RXRA: variants seen among roughly 807,000 people sequenced by gnomAD.
RXRA encodes the protein retinoic acid receptor RXR-alpha.
A neutral mutation model predicts 44.5 loss-of-function variants in RXRA; 5 were observed. The observed-to-expected ratio is 0.11, with a 90% CI of 0.06 to 0.24. The LOEUF (loss-of-function observed/expected upper bound fraction) is 0.24. Among genes scored for constraint, RXRA ranks in the 10% least tolerant of loss-of-function variants. RXRA has a pLI of 1.00. For synonymous variants in RXRA, 291 were observed against 271.4 expected, an observed-to-expected ratio of 1.07 and a Z score of -0.71; for missense variants, 412 against 646.5, an observed-to-expected ratio of 0.64 and a Z score of 3.93.
chr9:134,401,617 C>G lies in RXRA; in HGVS notation c.29-15C>G, dbSNP rs1212851128. 3.1e-6 allele frequency: 5 copies of G among 1,612,642 alleles called. No homozygotes were observed. The highest frequency in any genetic ancestry group is 3.4e-6 in the Non-Finnish European group (4 of 1,179,884). ...ACCTGCACTGACCACTCTCCTGCGG[C>G]TTCTTGTCTTGCAGATTTCTCCACC... On this transcript the variant is annotated splice_polypyrimidine_tract_variant and intron_variant, in intron 1 of 9. Transcript: ENST00000481739.
intron 1 of RXRA, among the ~76,000 whole-genome samples, chr9:134,389,990 C>T (rs574171019): frequency 6.6e-6 from 1 of 152,290 alleles, no homozygotes; most frequent in African/African-American, 2.4e-5. Flanking sequence ...GCCACAGTAC[C>T]CTGATATGTG....
At chr9:134,371,650 G>C (rs1588270215) in intron 1 of RXRA, among the ~76,000 whole-genome samples, 1 of 152,250 alleles carries the variant, frequency 6.6e-6, no homozygotes, top group South Asian at 2.1e-4. Flanking sequence ...GGTGCCTCTG[G>C]TTCACTGGGC....
chr9:134,352,402 A>G (rs1421301619), intron 1 of RXRA, among the ~76,000 whole-genome samples: 3 of 152,132 alleles, frequency 2.0e-5, no homozygotes, highest in South Asian at 2.1e-4. Flanking sequence ...AGGGGCCACA[A>G]TCCTTCCCTG....
In RXRA at chr9:134,407,344, G is replaced by A. The variant is rs1831068281; in HGVS notation, c.280-805G>A. On this transcript the variant is annotated intron_variant, in intron 2 of 9. Transcript: ENST00000481739. This position sits in a 1 kb window ranked among gnomAD's most constrained non-coding sequence, Gnocchi z 4.8. ...TGGAGGCTGGGGGCTGCCTGGCCAA[G>A]CGCTTACCGCCCTGCGCAGCCAGGC... 6.6e-6 allele frequency among the ~76,000 whole-genome samples: 1 copy of A among 152,228 alleles called. No homozygotes were observed. The highest frequency in any genetic ancestry group is 2.1e-4 in the South Asian group (1 of 4,830).
chr9:134,419,584 C>CACG (rs962309826), intron 5 of RXRA, among the ~76,000 whole-genome samples: 5 of 152,246 alleles, frequency 3.3e-5, no homozygotes, highest in African/African-American at 1.2e-4. Context: ...TGCCCAGCGT[C>CACG]ACGGTCCTGG....
In RXRA at chr9:134,438,680, G is replaced by C. The variant is rs562824006; in HGVS notation, c.*2066G>C. ...TACTCTTGGGGCCCCAGCGGTGGGA[G>C]TGCAAAAGACCCAACGCCAACACCT... is the stretch of plus-strand genomic sequence containing the variant. On this transcript the variant is annotated 3_prime_UTR_variant, in exon 10 of 10. Transcript: ENST00000481739. 6.5e-6 allele frequency: 1 copy of C among 153,170 alleles called. No individual in the cohort carries two copies. Among genetic ancestry groups the C allele is most frequent in the South Asian group, 2.1e-4 (1 of 4,830 alleles). The allele number at this position is 153,170 out of a possible 1,614,324, so 9.5% of individuals were successfully genotyped here. A position where few individuals can be genotyped will look rare whatever the true frequency, so the allele number is the denominator to read the frequency against.
intron 1 of RXRA, among the ~76,000 whole-genome samples, chr9:134,330,929 A>G (rs1834995269): frequency 6.6e-6 from 1 of 152,178 alleles, no homozygotes; most frequent in African/African-American, 2.4e-5. Context: ...CGTTTCCCCT[A>G]TCCTGTGGCT....
chr9:134,369,420 G>C (rs1288160958), intron 1 of RXRA, among the ~76,000 whole-genome samples: 1 of 124,820 alleles, frequency 8.0e-6, no homozygotes, highest in Non-Finnish European at 1.7e-5. Flanking sequence ...GGTTATATGT[G>C]TGTGAGTGCA....
At chr9:134,344,617 G>C (rs189717519) in intron 1 of RXRA, among the ~76,000 whole-genome samples, 7 of 152,090 alleles carry the variant, frequency 4.6e-5, no homozygotes, top group Non-Finnish European at 1.0e-4. Context: ...CCCACCTCCC[G>C]GGCCTCTGAG....
At chr9:134,334,269 T>C (rs2095731070) in intron 1 of RXRA, among the ~76,000 whole-genome samples, 1 of 152,240 alleles carries the variant, frequency 6.6e-6, no homozygotes, top group Non-Finnish European at 1.5e-5. Context: ...AGTACAGGTA[T>C]GCAGGAAGGA....
rs12337330 is a variant in RXRA at position 134,337,490 on chromosome 9, C to T, written c.28+10831C>T. On this transcript the variant is annotated intron_variant, in intron 1 of 9. Coordinates refer to ENST00000481739, the MANE Select transcript of RXRA (RefSeq NM_002957.6). Reference sequence around the variant, plus strand: ...TATGACCTTGGACCAGATGTTTTAACCCTCTTTGGGCCTTAGTTCTCTTAC... The same window carrying T: ...TATGACCTTGGACCAGATGTTTTAATCCTCTTTGGGCCTTAGTTCTCTTAC... 7.4e-3 allele frequency among the ~76,000 whole-genome samples: 1,131 copies of T among 152,268 alleles called. 11 individuals carry two copies. Among genetic ancestry groups the T allele is most frequent in the African/African-American group, 0.026 (1,062 of 41,544 alleles).
intron 1 of RXRA, among the ~76,000 whole-genome samples, chr9:134,360,350 C>T (rs1224610383): frequency 2.6e-5 from 4 of 152,158 alleles, no homozygotes; most frequent in African/African-American, 7.2e-5. Flanking sequence ...ATTTCCACCC[C>T]GCTGGTCACG....
rs373860952 is a variant in RXRA at position 134,367,756 on chromosome 9, G to T, written c.29-33876G>T. Among the ~76,000 whole-genome samples, 22 of 152,316 alleles carry T rather than the reference G, an allele frequency of 1.4e-4. 1 individual carries two copies. In the East Asian group the frequency reaches 3.3e-3, roughly 23 times the overall value. ...ACCTGCAGCTCCCCCTCGGGTGGGG[G>T]GTGCCGGGGTGTCTTGTGGCCCCTT... On this transcript the variant is annotated intron_variant, in intron 1 of 9. Coordinates refer to ENST00000481739, the MANE Select transcript of RXRA (RefSeq NM_002957.6).
chr9:134,408,867 G>A (rs997852889), intron 3 of RXRA, 73 bp from the exon 4 acceptor site: 13 of 1,378,356 alleles, frequency 9.4e-6, no homozygotes, highest in African/African-American at 9.0e-5. Flanking sequence ...TGGTAGTGGC[G>A]GCGTTGGATG....
At position 134,436,954 on chromosome 9, in the gene RXRA, G is replaced by A. The variant is rs1006228280; in HGVS notation, c.*340G>A. On this transcript the variant is annotated 3_prime_UTR_variant, in exon 10 of 10. Transcript: ENST00000481739. The stretch of plus-strand genomic sequence containing the variant: ...AGGGTCTTCGGGCCCCAGCCCTGGA[G>A]CTGCAGGAGTTGGGAACGGGGCTTT... 4 of 275,114 alleles carry A rather than the reference G, an allele frequency of 1.5e-5. No individual in the cohort carries two copies. Among genetic ancestry groups the A allele is most frequent in the Non-Finnish European group, 2.8e-5 (4 of 144,510 alleles). 17.0% of individuals were successfully genotyped at this position (275,114 alleles called of 1,614,324 possible).
intron 6 of RXRA, chr9:134,423,100 A>G (rs1831375486): frequency 1.0e-6 from 1 of 985,430 alleles, no homozygotes; most frequent in African/African-American, 1.7e-5. Flanking sequence ...GGCCCCCCGC[A>G]AAGCTGGTCC....
intron 4 of RXRA, among the ~76,000 whole-genome samples, chr9:134,409,808 G>A (rs10120803): frequency 0.099 from 15,076 of 152,218 alleles, 2,429 homozygotes; most frequent in African/African-American, 0.34. Flanking sequence ...GTGTGCCTCA[G>A]TTCCTCCCAT....
rs1049540856 is a variant in RXRA, at chr9:134,439,445, C to G, written c.*2831C>G. The G allele has an allele frequency of 6.6e-6, 1 of 152,310 alleles. No individual in the cohort carries two copies. Among genetic ancestry groups the G allele is most frequent in the Non-Finnish European group, 1.5e-5 (1 of 68,086 alleles). The allele number at this position is 152,310 out of a possible 1,614,324, so 9.4% of individuals were successfully genotyped here. A position where few individuals can be genotyped will look rare whatever the true frequency, so the allele number is the denominator to read the frequency against. On this transcript the variant is annotated 3_prime_UTR_variant, in exon 10 of 10. Coordinates refer to ENST00000481739, the MANE Select transcript of RXRA (RefSeq NM_002957.6). ...ATGCTTGGAAGCTGGCCTGCCAGGA[C>G]CTTCCACCCTGGGGCCTGTGTCAGC... is the stretch of plus-strand genomic sequence containing the variant.
intron 4 of RXRA, among the ~76,000 whole-genome samples, chr9:134,414,914 G>A (rs924321249): frequency 2.0e-5 from 3 of 152,264 alleles, no homozygotes; most frequent in Admixed American, 6.5e-5. Context: ...ACCCCGCCCC[G>A]GATGAGCACC....
Sources: gnomAD v4.1 joint callset for allele counts (sites outside exome capture counted in the v4.1 genomes callset) on GRCh38, gnomAD v4.1.1 for gene constraint, Gnocchi (gnomAD v3.1) non-coding constraint, MANE v1.5 for transcripts, NCBI Gene and HGNC (gene_info 2026-07-23, HGNC 2026-07-21) for gene names.